PLCB2: variants seen among roughly 807,000 people sequenced by gnomAD.
PLCB2 encodes 1-phosphatidylinositol 4,5-bisphosphate phosphodiesterase beta-2.
In PLCB2, 115 loss-of-function variants were observed where a neutral mutation model predicts 141.7. That is an observed-to-expected ratio of 0.81 (90% CI 0.70 to 0.95). PLCB2 has a LOEUF of 0.95. PLCB2 is among the 40% of genes least tolerant of loss of function. The pLI is 0.00. For missense variants in PLCB2, 1,403 were observed against 1,541.1 expected (o/e 0.91, Z 1.50); for synonymous variants, 603 against 595.6 (o/e 1.01, Z -0.18).
intron 30 of PLCB2, 25 bp from the exon 31 acceptor site, chr15:40,289,383 A>G: frequency 6.3e-7 from 1 of 1,576,216 alleles, no homozygotes; most frequent in Non-Finnish European, 8.7e-7. Flanking sequence ...ATGGCAGAGA[A>G]TCAGGACAAC....
chr15:40,293,150 A>G, intron 20 of PLCB2, 125 bp from the exon 21 acceptor site: 3 of 628,844 alleles, frequency 4.8e-6, no homozygotes, highest in Non-Finnish European at 8.6e-6. Context: ...TTTGGTGAGG[A>G]CAGACAGAGG....
chr15:40,297,436 A>G lies in PLCB2; in HGVS notation c.1323+85T>C. ...CAAGTGAACCCTAGCATCCTCTGGGAGTGTCTCCCTCCCTAACCTGGTTCT... is the reference window on the plus strand; with the variant it reads ...CAAGTGAACCCTAGCATCCTCTGGGGGTGTCTCCCTCCCTAACCTGGTTCT... On this transcript the variant is annotated intron_variant, in intron 13 of 31. Transcript: ENST00000260402. This position sits in a 1 kb window ranked among gnomAD's most constrained non-coding sequence, Gnocchi z 4.2. The G allele has an allele frequency of 2.0e-6, 2 of 988,286 alleles. No individual in the cohort carries two copies. The highest frequency in any genetic ancestry group is 3.3e-6 in the Non-Finnish European group (2 of 612,464). 61.2% of individuals were successfully genotyped at this position (988,286 alleles called of 1,614,324 possible).
intron 10 of PLCB2, 60 bp downstream of exon 10, chr15:40,298,502 T>A: frequency 6.2e-7 from 1 of 1,607,662 alleles, no homozygotes. Flanking sequence ...GCAACCCCTG[T>A]GGAGGATGCA....
intron 16 of PLCB2, among the ~76,000 whole-genome samples, chr15:40,295,646 A>G (rs1595656179): frequency 6.6e-6 from 1 of 152,196 alleles, no homozygotes; most frequent in South Asian, 2.1e-4. Flanking sequence ...TGATGTGCAC[A>G]GGGAGTGAGG....
chr15:40,304,183 C>T, intron 1 of PLCB2, 105 bp from the exon 2 acceptor site: 1 of 728,952 alleles, frequency 1.4e-6, no homozygotes, highest in East Asian at 2.7e-5. Context: ...AGGTGCCCAT[C>T]CCAGAAATCT....
In PLCB2 at chr15:40,294,361, G is replaced by A. The variant is rs1315242472; in HGVS notation, c.1966C>T (p.Leu656Phe). The A allele has an allele frequency of 1.9e-6, 3 of 1,614,208 alleles. No individual in the cohort carries two copies. In the South Asian group the frequency reaches 3.3e-5, roughly 18 times the overall value. Residue 656 changes from leucine (L) to phenylalanine (F), a missense_variant, in exon 19 of 32, where the codon CTC (leucine) becomes TTC (phenylalanine). Leu to Phe is a conservative substitution (Grantham distance 22). This residue lies in a region of PLCB2 where 975 missense variants were observed against 1,141.1 expected (regional missense o/e 0.85). Coordinates refer to ENST00000260402, the MANE Select transcript of PLCB2 (RefSeq NM_004573.3). ...GGCCGGCGCATGAACTCATGCTTGAGGAGGTAGCCGCTCTGCCCGTTGAAC... is the reference window on the plus strand; with the variant it reads ...GGCCGGCGCATGAACTCATGCTTGAAGAGGTAGCCGCTCTGCCCGTTGAAC... ...FEFNGQSGYL[L>F]KHEFMRRPDK...
In PLCB2 at chr15:40,298,379, G is replaced by A. The variant is rs767315588; in HGVS notation, c.999C>T (p.Ala333=). 29 of 1,581,130 alleles carry A rather than the reference G, an allele frequency of 1.8e-5. No individual in the cohort carries two copies. Among genetic ancestry groups the A allele is most frequent in the South Asian group, 1.5e-4 (13 of 86,348 alleles). Residue 333 remains alanine, a splice_region_variant and synonymous_variant, in exon 11 of 32, where the codon GCC becomes GCT. Transcript: ENST00000260402. ...INSSHNTYLT[A]GQFSGLSSAE... is the part of the protein sequence containing the mutation. ...CCGAGGAGAGGCCTGAGAACTGGCC[G>A]GCTGAGCCAGAGGATGGGGAAGAGG...
At chr15:40,303,220 G>T in intron 3 of PLCB2, 68 bp downstream of exon 3, 1 of 1,162,280 alleles carries the variant, frequency 8.6e-7, no homozygotes, top group Non-Finnish European at 1.3e-6. Flanking sequence ...CCCGCACAGG[G>T]ACCCCTGCCC....
At position 40,292,440 on chromosome 15, in the gene PLCB2, T is replaced by C. The variant is rs202225285; in HGVS notation, c.2330A>G (p.Tyr777Cys). 1.6e-3 allele frequency: 2,641 copies of C among 1,610,242 alleles called. 5 individuals are homozygous for C. The highest frequency in any genetic ancestry group is 2.1e-3 in the Non-Finnish European group (2,523 of 1,176,856). ...CTCACTGTGCAGGCACAGGTGGTGG[T>C]ACCCTGTGAGACAGGACAGGGTAGG... ...IIPINALNSG[Y>C]HHLCLHSESN... is the part of the protein sequence containing the mutation. The change falls in exon 22 of 32, where the codon TAC becomes TGC. Residue 777 changes from tyrosine to cysteine, a missense_variant. By Grantham distance (194) the Tyr-to-Cys change is radical. Coordinates refer to ENST00000260402, the MANE Select transcript of PLCB2 (RefSeq NM_004573.3).
chr15:40,291,667 C>T lies in PLCB2; in HGVS notation c.2603-17G>A, dbSNP rs764904766. On this transcript the variant is annotated splice_polypyrimidine_tract_variant and intron_variant, in intron 24 of 31. Coordinates refer to ENST00000260402, the MANE Select transcript of PLCB2 (RefSeq NM_004573.3). Reference sequence around the variant, plus strand: ...CCCTGGCTGCTGCAAGAGCCACGGGCTGGGCTGTCAGGTGCTCTGGGGGGC... The same window carrying T: ...CCCTGGCTGCTGCAAGAGCCACGGGTTGGGCTGTCAGGTGCTCTGGGGGGC... 3 of 1,612,134 alleles carry T rather than the reference C, an allele frequency of 1.9e-6. No homozygotes were observed. In the East Asian group the frequency reaches 6.7e-5, roughly 36 times the overall value.
chr15:40,292,324 G>A lies in PLCB2; in HGVS notation c.2431+15C>T. The A allele has an allele frequency of 6.3e-7, 1 of 1,584,406 alleles. No homozygotes were observed. Among genetic ancestry groups the A allele is most frequent in the Non-Finnish European group, 8.7e-7 (1 of 1,154,564 alleles). ...ACAGACACCCCGAGGCTCCTGGCAT[G>A]CCATGGGCTCCTACCTGCCCAAGCA... On this transcript the variant is annotated intron_variant, in intron 22 of 31. Coordinates refer to ENST00000260402, the MANE Select transcript of PLCB2 (RefSeq NM_004573.3).
intron 19 of PLCB2, 94 bp downstream of exon 19, chr15:40,294,172 G>C (rs1055619529): frequency 8.0e-7 from 1 of 1,256,396 alleles, no homozygotes; most frequent in African/African-American, 1.5e-5. Context: ...AGGATATCAG[G>C]GGAGGGGGTT....
intron 14 of PLCB2, 31 bp downstream of exon 14, chr15:40,296,715 A>ATACC: frequency 6.2e-7 from 1 of 1,610,158 alleles, no homozygotes; most frequent in Non-Finnish European, 8.5e-7. Context: ...GATGCTCCTA[A>ATACC]TACCCCCCAC....
Position 40,291,071 on chromosome 15 carries a change from C to T in PLCB2, c.2983G>A (p.Gly995Ser). ...DRLELELLRQ[G>S]EEQYECVLKR... ...AGAACGCACTCGTACTGCTCCTCGC[C>T]CTGCCGCAGCAGCTCCAGCTCCAGC... Residue 995 changes from glycine to serine, a missense_variant, in exon 27 of 32, where the codon GGC becomes AGC. This residue lies in a region of PLCB2 where 290 missense variants were observed against 245.9 expected (regional missense o/e 1.18). Coordinates refer to ENST00000260402, the MANE Select transcript of PLCB2 (RefSeq NM_004573.3). The T allele has an allele frequency of 6.3e-7, 1 of 1,591,112 alleles. No homozygotes were observed. Among genetic ancestry groups the T allele is most frequent in the Non-Finnish European group, 8.5e-7 (1 of 1,176,410 alleles).
chr15:40,288,866 G>A lies in PLCB2; in HGVS notation c.3407C>T (p.Ala1136Val). ...EYEARMKGLE[A>V]EVKESVRACL... ...GGCCCTCACCGACTCCTTCACCTCT[G>A]CCTCCAGACCCTTCATCCTGGCCTC... The change falls in exon 32 of 32, where the codon GCA (alanine) becomes GTA (valine). Residue 1136 changes from alanine (A) to valine (V), a missense_variant. Around this residue, in one of 4 missense-constraint regions of PLCB2, gnomAD observed 132 missense variants for 132.4 expected, o/e 1.00. Coordinates refer to ENST00000260402, the MANE Select transcript of PLCB2 (RefSeq NM_004573.3). 6.2e-7 allele frequency: 1 copy of A among 1,614,002 alleles called. No homozygotes were observed. The highest frequency in any genetic ancestry group is 8.5e-7 in the Non-Finnish European group (1 of 1,180,006).
intron 16 of PLCB2, among the ~76,000 whole-genome samples, chr15:40,296,040 G>T (rs1436367336): frequency 6.6e-6 from 1 of 152,170 alleles, no homozygotes; most frequent in Non-Finnish European, 1.5e-5. Context: ...GAGCCACAGA[G>T]CCTGCAGGCA....
At position 40,299,151 on chromosome 15, in the gene PLCB2, T is replaced by C. The variant is rs1233257685; in HGVS notation, c.660A>G (p.Glu220=). The change falls in exon 8 of 32, where the codon GAA becomes GAG. Residue 220 remains glutamate (E), a synonymous_variant. Transcript: ENST00000260402. ...SFLMSLCPRP[E]IDEIFTSYHA... ...ACTAAGAAGTGAAGATCTCATCTAT[T>C]TCTGGCCGAGGACAGAGGCTCATGA... 8 of 1,612,982 alleles carry C rather than the reference T, an allele frequency of 5.0e-6. No homozygotes were observed. Among genetic ancestry groups the C allele is most frequent in the Non-Finnish European group, 6.8e-6 (8 of 1,179,094 alleles).
chr15:40,291,336 C>T lies in PLCB2; in HGVS notation c.2799G>A (p.Glu933=), dbSNP rs1450720601. The T allele has an allele frequency of 3.3e-6, 5 of 1,529,246 alleles. No individual in the cohort carries two copies. The highest frequency in any genetic ancestry group is 1.4e-5 in the African/African-American group (1 of 71,470). The allele number at this position is 1,529,246 out of a possible 1,614,324, so 94.7% of individuals were successfully genotyped here. A position where few individuals can be genotyped will look rare whatever the true frequency, so the allele number is the denominator to read the frequency against. The part of the protein sequence containing the change: ...LLQRGAAQLA[E]LGPPGVGGVG... ...CGCCCCCCACGCCCGGTGGCCCGAG[C>T]TCCGCCAGCTGCGCCGCGCCCCGCT... Residue 933 remains glutamate (E), a synonymous_variant, in exon 26 of 32, where the codon GAG becomes GAA. Coordinates refer to ENST00000260402, the MANE Select transcript of PLCB2 (RefSeq NM_004573.3).
chr15:40,294,353 A>C lies in PLCB2; in HGVS notation c.1974T>G (p.His658Gln). The C allele has an allele frequency of 6.2e-7, 1 of 1,614,082 alleles. No individual in the cohort carries two copies. Among genetic ancestry groups the C allele is most frequent in the Non-Finnish European group, 8.5e-7 (1 of 1,179,998 alleles). Residue 658 changes from histidine (H) to glutamine (Q), a missense_variant, in exon 19 of 32, where the codon CAT becomes CAG. Around this residue, in one of 4 missense-constraint regions of PLCB2, gnomAD observed 975 missense variants for 1,141.1 expected, o/e 0.85. Coordinates refer to ENST00000260402, the MANE Select transcript of PLCB2 (RefSeq NM_004573.3). ...FNGQSGYLLK[H>Q]EFMRRPDKQF... ...GCTTGTCCGGCCGGCGCATGAACTC[A>C]TGCTTGAGGAGGTAGCCGCTCTGCC...
Sources: gnomAD v4.1 joint callset for allele counts (sites outside exome capture counted in the v4.1 genomes callset) on GRCh38, gnomAD v4.1.1 for gene constraint, gnomAD v4.1.1 regional missense constraint, Gnocchi (gnomAD v3.1) non-coding constraint, MANE v1.5 for transcripts, NCBI Gene and HGNC (gene_info 2026-07-23, HGNC 2026-07-21) for gene names.